The following ADCY8 variants were observed in gnomAD, a reference collection of about 807,000 sequenced individuals.
The protein encoded by ADCY8 is adenylate cyclase 8.
ADCY8 carries 51 observed loss-of-function variants against 119.7 expected under a neutral mutation model. The observed-to-expected ratio is 0.43, with a 90% CI of 0.34 to 0.54. The LOEUF is 0.54. ADCY8 is among the 20% of genes least tolerant of loss of function. The probability of loss-of-function intolerance (pLI) is 0.03; values close to 1 mark genes in which losing one functional copy is unlikely to be tolerated. For synonymous variants in ADCY8, 665 were observed against 651.0 expected, an observed-to-expected ratio of 1.02 and a Z score of -0.33; for missense variants, 1,383 against 1,598.8, an observed-to-expected ratio of 0.87 and a Z score of 2.30.
At position 130,903,881 on chromosome 8, in the gene ADCY8, A is replaced by T; in HGVS notation, c.1802T>A (p.Ile601Asn). ...TGAGGAGCTCACTGACTCCTTGACG[A>T]TATCTTCAGGCAAGGACAGCAGACT... ...EDSLLSLPED[I>N]VKESVSSSDR... Residue 601 changes from isoleucine (I) to asparagine (N), a missense_variant, in exon 7 of 18, where the codon ATC becomes AAC. Physicochemically the swap from Ile to Asn is moderately radical, Grantham distance 149 (BLOSUM62 -3). This residue lies in a region of ADCY8 where 928 missense variants were observed against 1,163.5 expected (regional missense o/e 0.80). Transcript: ENST00000286355. 1.9e-6 allele frequency: 3 copies of T among 1,614,072 alleles called. No homozygotes were observed. Among genetic ancestry groups the T allele is most frequent in the Non-Finnish European group, 1.7e-6 (2 of 1,180,014 alleles).
At chr8:131,030,939 T>C (rs959802194) in intron 1 of ADCY8, among the ~76,000 whole-genome samples, 3 of 152,174 alleles carry the variant, frequency 2.0e-5, no homozygotes, top group African/African-American at 4.8e-5. Context: ...CCTTTTACCA[T>C]TTTGGCCTCT....
chr8:130,809,827 A>T (rs1454064275), intron 14 of ADCY8, among the ~76,000 whole-genome samples: 3 of 152,238 alleles, frequency 2.0e-5, no homozygotes, highest in African/African-American at 7.2e-5. Flanking sequence ...GCTTGCAGCA[A>T]TGATGGCACT....
chr8:131,012,022 C>G (rs1823323227), intron 1 of ADCY8, among the ~76,000 whole-genome samples: 3 of 152,172 alleles, frequency 2.0e-5, no homozygotes, highest in Admixed American at 6.5e-5. Context: ...CAATTACCAT[C>G]ACTCCCAGGA....
intron 8 of ADCY8, among the ~76,000 whole-genome samples, chr8:130,875,643 T>C (rs1818532135): frequency 6.6e-6 from 1 of 152,248 alleles, no homozygotes; most frequent in African/African-American, 2.4e-5. Flanking sequence ...TCTCCTTTAT[T>C]ATTTTATACT....
At chr8:130,804,159 A>T (rs1380138624) in intron 14 of ADCY8, among the ~76,000 whole-genome samples, 1 of 152,144 alleles carries the variant, frequency 6.6e-6, no homozygotes, top group Non-Finnish European at 1.5e-5. Flanking sequence ...TATTACCTAT[A>T]GTATTTGTTT....
At chr8:130,808,747 T>C (rs1484252978) in intron 14 of ADCY8, among the ~76,000 whole-genome samples, 1 of 152,174 alleles carries the variant, frequency 6.6e-6, no homozygotes, top group East Asian at 1.9e-4. Flanking sequence ...TCGGTATTAT[T>C]TCCCCTATTA....
chr8:130,884,622 C>T lies in ADCY8; in HGVS notation c.2051G>A (p.Arg684Lys). The change falls in exon 8 of 18, where the codon AGA (arginine) becomes AAA (lysine). Residue 684 changes from arginine to lysine, a missense_variant. Coordinates refer to ENST00000286355, the MANE Select transcript of ADCY8 (RefSeq NM_001115.3). ...TIDLRSGDKL[R>K]REHIKPFSLM... ...TGAGAATGGCTTGATATGCTCTCTT[C>T]TCAATTTATCGCCACTCCGCAAGTC... The T allele has an allele frequency of 6.2e-7, 1 of 1,613,838 alleles. No homozygotes were observed. The highest frequency in any genetic ancestry group is 1.1e-5 in the South Asian group (1 of 91,082).
chr8:130,884,896 A>G, intron 7 of ADCY8, 135 bp from the exon 8 acceptor site: 1 of 903,372 alleles, frequency 1.1e-6, no homozygotes, highest in Non-Finnish European at 1.8e-6. Flanking sequence ...TGAAACCTAC[A>G]GAAGTTGATC....
chr8:130,967,320 G>T (rs1266456064), intron 2 of ADCY8, among the ~76,000 whole-genome samples: 1 of 152,182 alleles, frequency 6.6e-6, no homozygotes, highest in Non-Finnish European at 1.5e-5. Context: ...AGGAATTTTG[G>T]TTCTGCTCAG....
chr8:130,944,961 T>C (rs926335644), intron 3 of ADCY8, among the ~76,000 whole-genome samples: 23 of 152,082 alleles, frequency 1.5e-4, no homozygotes, highest in Admixed American at 1.3e-3. Context: ...GAAGGACATA[T>C]TGGGGGGTGA....
Position 130,814,167 on chromosome 8 carries a change from C to T in ADCY8, c.2815G>A (p.Glu939Lys). 1 of 1,614,128 alleles carries T rather than the reference C, an allele frequency of 6.2e-7. No individual in the cohort carries two copies. Among genetic ancestry groups the T allele is most frequent in the Non-Finnish European group, 8.5e-7 (1 of 1,180,030 alleles). Residue 939 changes from glutamate (E) to lysine (K), a missense_variant, in exon 14 of 18, where the codon GAG becomes AAG. Coordinates refer to ENST00000286355, the MANE Select transcript of ADCY8 (RefSeq NM_001115.3). ...WRVQAKEEIN[E>K]MKELREHNEN... ...TTGTGTTCCCTCAGCTCCTTCATCT[C>T]ATTGATCTCCTCTTTGGCCTGTACT...
intron 1 of ADCY8, among the ~76,000 whole-genome samples, chr8:131,006,062 G>T (rs547555786): frequency 1.5e-3 from 227 of 150,750 alleles, no homozygotes; most frequent in African/African-American, 5.2e-3. Context: ...ACACACACAC[G>T]CACACACACA....
intron 5 of ADCY8, among the ~76,000 whole-genome samples, chr8:130,936,311 A>T (rs1438317378): frequency 6.6e-6 from 1 of 152,076 alleles, no homozygotes; most frequent in African/African-American, 2.4e-5. Context: ...TGTTTGTCAG[A>T]TATGCTGAAT....
At position 130,943,399 on chromosome 8, in the gene ADCY8, C is replaced by T. The variant is rs574997892; in HGVS notation, c.1305G>A (p.Leu435=). Residue 435 remains leucine (L), a synonymous_variant, in exon 4 of 18, where the codon CTG becomes CTA. Coordinates refer to ENST00000286355, the MANE Select transcript of ADCY8 (RefSeq NM_001115.3). ...CAAAGAGCTCGTTGAGCATCCTGAC[C>T]AGCTCCTGAGCAGACAAGGTCGTGG... ...NLSTTLSAQE[L]VRMLNELFAR... is the part of the protein sequence containing the mutation. 252 of 1,608,470 alleles carry T rather than the reference C, an allele frequency of 1.6e-4. 2 individuals are homozygous for T. In the South Asian group the frequency reaches 2.6e-3, roughly 17 times the overall value.
intron 9 of ADCY8, among the ~76,000 whole-genome samples, chr8:130,852,311 A>G (rs1248329890): frequency 1.3e-5 from 2 of 152,140 alleles, no homozygotes; most frequent in Non-Finnish European, 2.9e-5. Context: ...CCTTGACAAG[A>G]AATCTCTGTA....
At chr8:130,899,690 T>A (rs553783414) in intron 7 of ADCY8, among the ~76,000 whole-genome samples, 1 of 152,124 alleles carries the variant, frequency 6.6e-6, no homozygotes, top group East Asian at 1.9e-4. Context: ...CAGTATGTAG[T>A]ACACTTGAGT....
intron 17 of ADCY8, 67 bp downstream of exon 17, chr8:130,783,624 G>T: frequency 1.8e-6 from 2 of 1,125,082 alleles, no homozygotes; most frequent in Non-Finnish European, 2.6e-6. Context: ...GATGCCCAAG[G>T]CAGGGGAGGG....
intron 5 of ADCY8, 125 bp downstream of exon 5, chr8:130,936,948 T>G: frequency 8.1e-7 from 1 of 1,231,742 alleles, no homozygotes; most frequent in Non-Finnish European, 1.1e-6. Flanking sequence ...GCACACAGTT[T>G]TTGTGAAATA....
chr8:130,904,190 T>C, intron 6 of ADCY8, 148 bp from the exon 7 acceptor site: 1 of 816,696 alleles, frequency 1.2e-6, no homozygotes, highest in Non-Finnish European at 1.9e-6. Context: ...TCCTAAAAAG[T>C]AGAAAGAATA....
Sources: gnomAD v4.1 joint callset for allele counts (sites outside exome capture counted in the v4.1 genomes callset) on GRCh38, gnomAD v4.1.1 for gene constraint, gnomAD v4.1.1 regional missense constraint, MANE v1.5 for transcripts, NCBI Gene and HGNC (gene_info 2026-07-23, HGNC 2026-07-21) for gene names.